ESRRG: variants seen among roughly 807,000 people sequenced by gnomAD.
The protein encoded by ESRRG is estrogen related receptor gamma.
Under a neutral mutation model 44.0 loss-of-function variants are expected in ESRRG, and 13 were observed. The ratio of observed to expected loss-of-function variants is 0.30; its 90% CI spans 0.19 to 0.47. The LOEUF (loss-of-function observed/expected upper bound fraction) is 0.47. ESRRG is among the 20% of genes least tolerant of loss of function. The pLI, the probability that ESRRG is intolerant of heterozygous loss-of-function variation, is 1.00. For missense variants in ESRRG, 395 were observed against 580.6 expected (o/e 0.68, Z 3.29); for synonymous variants, 215 against 214.6 (o/e 1.00, Z -0.02).
At chr1:216,544,136 TTTA>T (rs2053735352) in intron 5 of ESRRG, among the ~76,000 whole-genome samples, 1 of 152,048 alleles carries the variant, frequency 6.6e-6, no homozygotes, top group African/African-American at 2.4e-5. Flanking sequence ...GAATATTAAA[TTTA>T]TTTAGAATGA....
At chr1:216,923,384 A>G (rs533628110) in intron 2 of ESRRG, among the ~76,000 whole-genome samples, 1 of 152,366 alleles carries the variant, frequency 6.6e-6, no homozygotes, top group African/African-American at 2.4e-5. Context: ...AGCTCCCTGA[A>G]TATGGAAACA....
intron 2 of ESRRG, among the ~76,000 whole-genome samples, chr1:216,850,549 A>G (rs2095825960): frequency 6.6e-6 from 1 of 152,126 alleles, no homozygotes. Context: ...AGTGAAATAT[A>G]TAATGTATAT....
chr1:216,836,552 C>T (rs1170314732), intron 2 of ESRRG, among the ~76,000 whole-genome samples: 2 of 152,088 alleles, frequency 1.3e-5, no homozygotes, highest in Non-Finnish European at 2.9e-5. Context: ...ATAGGATGAC[C>T]GGGGAAGCGC....
intron 1 of ESRRG, among the ~76,000 whole-genome samples, chr1:216,996,226 G>A (rs912260107): frequency 4.6e-5 from 7 of 152,150 alleles, no homozygotes; most frequent in Middle Eastern, 6.8e-3. Flanking sequence ...TTACAGAGAA[G>A]GCAAAGAGGA....
chr1:216,688,342 G>A (rs752705773), intron 1 of ESRRG, among the ~76,000 whole-genome samples: 2 of 152,164 alleles, frequency 1.3e-5, no homozygotes, highest in African/African-American at 2.4e-5. Context: ...GTGCACGAAC[G>A]AGAGACAGAG....
intron 2 of ESRRG, among the ~76,000 whole-genome samples, chr1:216,870,248 A>G (rs991019873): frequency 2.7e-5 from 4 of 145,974 alleles, no homozygotes; most frequent in Non-Finnish European, 6.0e-5. Context: ...AAACCTGTCA[A>G]TGTGCTTTTT....
intron 1 of ESRRG, among the ~76,000 whole-genome samples, chr1:217,078,538 G>A (rs936953612): frequency 6.6e-6 from 1 of 152,190 alleles, no homozygotes; most frequent in Non-Finnish European, 1.5e-5. Flanking sequence ...AATGTGGAAA[G>A]TATCTCCCCA....
chr1:216,774,798 C>CTTCTTTTTTTTT (rs1553600739), intron 2 of ESRRG, among the ~76,000 whole-genome samples: 28 of 110,812 alleles, frequency 2.5e-4, no homozygotes, highest in South Asian at 1.3e-3. Context: ...ATAATTTCTT[C>CTTCTTTTTTTTT]TTTTTTTTTT....
At chr1:216,656,660 A>G (rs2070685941) in intron 2 of ESRRG, among the ~76,000 whole-genome samples, 1 of 152,210 alleles carries the variant, frequency 6.6e-6, no homozygotes, top group Non-Finnish European at 1.5e-5. Context: ...GTAAATTAGC[A>G]TGGCATCTCA....
chr1:216,662,096 A>C (rs1268590902), intron 2 of ESRRG, among the ~76,000 whole-genome samples: 1 of 152,176 alleles, frequency 6.6e-6, no homozygotes, highest in Non-Finnish European at 1.5e-5. Flanking sequence ...AGAGTTCCTG[A>C]CAGGGAGTGA....
intron 1 of ESRRG, among the ~76,000 whole-genome samples, chr1:216,995,304 C>T (rs1479786652): frequency 6.6e-6 from 1 of 152,210 alleles, no homozygotes; most frequent in Non-Finnish European, 1.5e-5. Context: ...GACTTCCTCA[C>T]TGTCCGTTGC....
intron 2 of ESRRG, among the ~76,000 whole-genome samples, chr1:216,881,481 G>A (rs1256863685): frequency 1.3e-5 from 2 of 152,086 alleles, no homozygotes; most frequent in African/African-American, 2.4e-5. Flanking sequence ...TTAAGGGGGA[G>A]TGGGGATGGA....
chr1:216,513,820 G>C (rs1558183803), intron 6 of ESRRG, among the ~76,000 whole-genome samples: 1 of 151,986 alleles, frequency 6.6e-6, no homozygotes, highest in South Asian at 2.1e-4. Context: ...TTTGCTACAA[G>C]TCATAAAGAC....
At chr1:217,080,395 T>C (rs71643440) in intron 1 of ESRRG, among the ~76,000 whole-genome samples, 1 of 152,120 alleles carries the variant, frequency 6.6e-6, no homozygotes, top group Non-Finnish European at 1.5e-5. Flanking sequence ...ATATGTGGCC[T>C]TCCAGTGCTC....
At chr1:216,995,637 TG>T (rs1421180309) in intron 1 of ESRRG, among the ~76,000 whole-genome samples, 1 of 152,210 alleles carries the variant, frequency 6.6e-6, no homozygotes, top group African/African-American at 2.4e-5. Flanking sequence ...AATTCTAGGT[TG>T]GGTGTTATTC....
intron 1 of ESRRG, among the ~76,000 whole-genome samples, chr1:216,690,817 G>A (rs1040034358): frequency 1.7e-4 from 26 of 152,204 alleles, no homozygotes; most frequent in Admixed American, 1.7e-3. Flanking sequence ...TACAGGCAAA[G>A]CCCAGTTCAA....
intron 2 of ESRRG, among the ~76,000 whole-genome samples, chr1:216,894,260 C>A (rs183906652): frequency 6.6e-6 from 1 of 152,028 alleles, no homozygotes; most frequent in East Asian, 1.9e-4. Context: ...TTCACAGACT[C>A]GGGAGCCAAA....
At chr1:217,092,834 C>G (rs939433692), upstream of ESRRG, among the ~76,000 whole-genome samples, 1 of 152,146 alleles carries the variant, frequency 6.6e-6, no homozygotes, top group Non-Finnish European at 1.5e-5. Context: ...CCTAGAATGC[C>G]ACTTTTCAAT....
chr1:216,886,887 C>T (rs1487652883), intron 2 of ESRRG, among the ~76,000 whole-genome samples: 1 of 151,912 alleles, frequency 6.6e-6, no homozygotes, highest in Non-Finnish European at 1.5e-5. Flanking sequence ...CCATGCCTGG[C>T]TATTTTGTTT....
Sources: allele counts gnomAD v4.1 joint callset (sites outside exome capture counted in the v4.1 genomes callset), GRCh38; gene constraint gnomAD v4.1.1; transcripts MANE v1.5; gene names NCBI Gene and HGNC (gene_info 2026-07-23, HGNC 2026-07-21).